PPP1R1C: variants seen among roughly 807,000 people sequenced by gnomAD.
PPP1R1C encodes the protein protein phosphatase 1 regulatory inhibitor subunit 1C.
PPP1R1C carries 15 observed loss-of-function variants against 17.4 expected under a neutral mutation model. That is an observed-to-expected ratio of 0.86 (90% CI 0.58 to 1.33). PPP1R1C has a LOEUF of 1.33. Among genes scored for constraint, PPP1R1C ranks in the 40% most tolerant of loss-of-function variants. PPP1R1C has a pLI of 0.00. For synonymous variants in PPP1R1C, 35 were observed against 43.1 expected, an observed-to-expected ratio of 0.81 and a Z score of 0.73; for missense variants, 143 against 130.0, an observed-to-expected ratio of 1.10 and a Z score of -0.48.
Position 181,970,490 on chromosome 2 carries a change from A to C in PPP1R1C, n.112-4729A>C, listed in dbSNP as rs115678036. 4.2e-3 allele frequency among the ~76,000 whole-genome samples: 643 copies of C among 152,204 alleles called. 5 individuals are homozygous for C. The highest frequency in any genetic ancestry group is 0.015 in the African/African-American group (604 of 41,526). On this transcript the variant is annotated intron_variant and non_coding_transcript_variant, in intron 1 of 5. Transcript: ENST00000464264. ...TCTTCTCTTCTCTTACATTTCCCCA[A>C]ACAGAGTTTTTCTCTCAGTGCCGAG...
chr2:181,986,251 G>A (rs2125139007), intron 1 of PPP1R1C, 60 bp downstream of exon 1: 1 of 1,271,884 alleles, frequency 7.9e-7, no homozygotes, highest in East Asian at 2.3e-5. Context: ...CATGCATTCT[G>A]GTTATTAATT....
intron 4 of PPP1R1C, among the ~76,000 whole-genome samples, chr2:182,066,263 G>C (rs116282562): frequency 0.017 from 2,636 of 152,142 alleles, 66 homozygotes; most frequent in African/African-American, 0.06. Context: ...AACTAATACA[G>C]TACTGTCATC....
intron 4 of PPP1R1C, among the ~76,000 whole-genome samples, chr2:182,079,246 A>G (rs1429517428): frequency 3.3e-5 from 5 of 152,240 alleles, no homozygotes; most frequent in African/African-American, 1.2e-4. Context: ...TGCTACTTAC[A>G]TAGCAGATGT....
At chr2:182,090,477 A>G (rs1299124039) in intron 4 of PPP1R1C, among the ~76,000 whole-genome samples, 1 of 152,104 alleles carries the variant, frequency 6.6e-6, no homozygotes, top group Non-Finnish European at 1.5e-5. Flanking sequence ...GATATTTTCT[A>G]TTTATAACCG....
chr2:182,109,133 G>T (rs1393115298), intron 4 of PPP1R1C, among the ~76,000 whole-genome samples: 1 of 152,064 alleles, frequency 6.6e-6, no homozygotes, highest in East Asian at 1.9e-4. Context: ...ATGCTTACTT[G>T]CCATCTATGT....
chr2:182,035,080 GA>G (rs2125174191), intron 2 of PPP1R1C, among the ~76,000 whole-genome samples: 1 of 152,276 alleles, frequency 6.6e-6, no homozygotes, highest in Non-Finnish European at 1.5e-5. Flanking sequence ...CTTTGTGAGG[GA>G]ATGGGAAGTG....
At chr2:182,071,384 T>C (rs1167991095) in intron 4 of PPP1R1C, among the ~76,000 whole-genome samples, 1 of 152,198 alleles carries the variant, frequency 6.6e-6, no homozygotes, top group African/African-American at 2.4e-5. Flanking sequence ...AGGTAGTGGA[T>C]TTTTGGAAGA....
chr2:182,124,881 C>T (rs1010093785), intron 5 of PPP1R1C, among the ~76,000 whole-genome samples: 16 of 152,166 alleles, frequency 1.1e-4, no homozygotes, highest in East Asian at 1.9e-4. Context: ...TTTTAATACC[C>T]TTTATCTTTC....
chr2:182,091,214 C>G (rs998152298), intron 4 of PPP1R1C, among the ~76,000 whole-genome samples: 5 of 151,978 alleles, frequency 3.3e-5, no homozygotes, highest in African/African-American at 1.2e-4. Context: ...GGGAGACTGC[C>G]CCACACCCAG....
upstream of PPP1R1C, chr2:181,985,788 A>G (rs1026672271): frequency 2.8e-6 from 1 of 359,378 alleles, no homozygotes; most frequent in South Asian, 4.2e-5. The surrounding 1 kb of genome is among the most constrained non-coding windows in gnomAD (Gnocchi z 4.1). Context: ...CTAGCATTGC[A>G]TTTTCAATTA....
rs1185999037 is a variant in PPP1R1C at position 182,068,438 on chromosome 2, C to T, written c.241+4647C>T. Among the ~76,000 whole-genome samples, 3 of 152,250 alleles carry T rather than the reference C, an allele frequency of 2.0e-5. No homozygotes were observed. In the East Asian group the frequency reaches 5.8e-4, roughly 29 times the overall value. On this transcript the variant is annotated intron_variant, in intron 4 of 4. Coordinates refer to ENST00000682840, the MANE Select transcript of PPP1R1C (RefSeq NM_001080545.3). ...AAGGACTTCCAGGAGAATAAAATAG[C>T]TTTGTTTTCATCCCAGTGAGACTTG...
At chr2:181,973,759 A>G (rs1685051214) in intron 1 of PPP1R1C, among the ~76,000 whole-genome samples, 1 of 152,214 alleles carries the variant, frequency 6.6e-6, no homozygotes, top group Non-Finnish European at 1.5e-5. Flanking sequence ...CATTTCTTGA[A>G]AAAGTAAAGG....
intron 2 of PPP1R1C, among the ~76,000 whole-genome samples, chr2:181,978,342 CAG>C (rs1399958707): frequency 6.6e-6 from 1 of 152,172 alleles, no homozygotes. Flanking sequence ...TGCCTCATGA[CAG>C]AACATTTGGA....
At chr2:182,088,827 A>G (rs555122642) in intron 4 of PPP1R1C, among the ~76,000 whole-genome samples, 3 of 152,210 alleles carry the variant, frequency 2.0e-5, no homozygotes, top group Admixed American at 6.5e-5. Context: ...TACTAGTAGC[A>G]AGCACACTAT....
At chr2:181,991,557 A>C (rs1466970867) in intron 2 of PPP1R1C, among the ~76,000 whole-genome samples, 1 of 152,230 alleles carries the variant, frequency 6.6e-6, no homozygotes, top group African/African-American at 2.4e-5. Flanking sequence ...AGCAGAAACA[A>C]TGTATTTGCT....
chr2:182,001,373 T>C (rs78406207), intron 2 of PPP1R1C, among the ~76,000 whole-genome samples: 2,461 of 152,298 alleles, frequency 0.016, 76 homozygotes, highest in African/African-American at 0.056. Flanking sequence ...ACCAATTTTA[T>C]TCTTTTGCTG....
At chr2:182,073,184 A>C (rs1688189729) in intron 4 of PPP1R1C, among the ~76,000 whole-genome samples, 1 of 151,862 alleles carries the variant, frequency 6.6e-6, no homozygotes, top group Non-Finnish European at 1.5e-5. Context: ...TGCTTCTTTG[A>C]GACTGAGAAT....
At chr2:182,099,086 A>C (rs1200003781) in intron 4 of PPP1R1C, among the ~76,000 whole-genome samples, 1 of 152,178 alleles carries the variant, frequency 6.6e-6, no homozygotes, top group Non-Finnish European at 1.5e-5. Context: ...ATGAGAAATT[A>C]CACCATGGGG....
At chr2:182,089,667 AAAC>A (rs1430712132) in intron 4 of PPP1R1C, among the ~76,000 whole-genome samples, 30 of 152,304 alleles carry the variant, frequency 2.0e-4, no homozygotes, top group African/African-American at 6.5e-4. Flanking sequence ...GTATTATTTA[AAAC>A]AACGATATTC....
Sources: allele counts gnomAD v4.1 joint callset (sites outside exome capture counted in the v4.1 genomes callset), GRCh38; gene constraint gnomAD v4.1.1; non-coding constraint Gnocchi (gnomAD v3.1); transcripts MANE v1.5; gene names NCBI Gene and HGNC (gene_info 2026-07-23, HGNC 2026-07-21).